NHSL2: variants seen among roughly 807,000 people sequenced by gnomAD.
The protein encoded by NHSL2 is NHS-like protein 2.
NHSL2 carries 27 observed loss-of-function variants against 53.4 expected under a neutral mutation model. The ratio of observed to expected loss-of-function variants is 0.51; its 90% CI spans 0.37 to 0.70. The LOEUF (loss-of-function observed/expected upper bound fraction) is 0.70, where lower values mean the gene tolerates loss of function less well. Among genes scored for constraint, NHSL2 ranks in the 30% least tolerant of loss-of-function variants. The pLI is 0.00. For missense variants in NHSL2, 892 were observed against 980.1 expected (o/e 0.91, Z 1.20); for synonymous variants, 408 against 404.1 (o/e 1.01, Z -0.12).
At chrX:71,964,646 A>C (rs1367360361) in intron 1 of NHSL2, among the ~76,000 whole-genome samples, 1 of 111,561 alleles carries the variant, frequency 9.0e-6, no homozygotes, top group Non-Finnish European at 1.9e-5. Flanking sequence ...ATTTGTTCTG[A>C]TACCAGGAGG....
rs1481717386 is a variant in NHSL2 at position 72,149,470 on chromosome X, C to G, written c.*5896C>G. On this transcript the variant is annotated 3_prime_UTR_variant, in exon 8 of 8. Coordinates refer to ENST00000633930, the MANE Select transcript of NHSL2 (RefSeq NM_001013627.3). The stretch of plus-strand genomic sequence containing the variant: ...TGCCAAGCTTTATAGACATTTATTC[C>G]TTAGGTGGTCTTGAGCTTTTTCTAA... The G allele has an allele frequency of 1.8e-5, 2 of 112,095 alleles. No individual in the cohort carries two copies. Among genetic ancestry groups the G allele is most frequent in the African/African-American group, 3.2e-5 (1 of 30,863 alleles). 9.2% of individuals were successfully genotyped at this position (112,095 alleles called of 1,213,427 possible). A position where few individuals can be genotyped will look rare whatever the true frequency, so the allele number is the denominator to read the frequency against.
At chrX:72,080,571 C>CGTGT (rs10580313) in intron 1 of NHSL2, among the ~76,000 whole-genome samples, 17,230 of 96,912 alleles carry the variant, frequency 0.18, 1,285 homozygotes, top group East Asian at 0.41. Flanking sequence ...GAATTCTGCA[C>CGTGT]GTGTGTGTGT....
chrX:72,010,347 A>C (rs2042110566), intron 1 of NHSL2, among the ~76,000 whole-genome samples: 1 of 112,552 alleles, frequency 8.9e-6, no homozygotes, highest in South Asian at 3.7e-4. Flanking sequence ...CAGGATAAGC[A>C]AAACAGATAT....
intron 1 of NHSL2, among the ~76,000 whole-genome samples, chrX:71,931,235 T>C (rs1487990346): frequency 8.9e-6 from 1 of 112,347 alleles, no homozygotes; most frequent in East Asian, 2.8e-4. Context: ...TGTTGTGGAA[T>C]TATAGTTCTT....
intron 1 of NHSL2, among the ~76,000 whole-genome samples, chrX:71,977,425 CTT>C (rs374810519): frequency 7.6e-5 from 7 of 92,711 alleles, no homozygotes; most frequent in African/African-American, 1.2e-4. Context: ...CTCTCTCTCT[CTT>C]TTTTTTTTTT....
intron 4 of NHSL2, among the ~76,000 whole-genome samples, chrX:72,135,442 G>A (rs746786087): frequency 1.8e-5 from 2 of 111,715 alleles, no homozygotes; most frequent in African/African-American, 3.3e-5. Context: ...CCAGTCATTT[G>A]AGAAGGAGAT....
chrX:72,038,554 G>T (rs1352614057), intron 1 of NHSL2, among the ~76,000 whole-genome samples: 1 of 112,017 alleles, frequency 8.9e-6, no homozygotes, highest in Non-Finnish European at 1.9e-5. Context: ...TCCCATGCAT[G>T]TATTTATATT....
chrX:72,017,183 G>A (rs1422889478), intron 1 of NHSL2, among the ~76,000 whole-genome samples: 1 of 112,375 alleles, frequency 8.9e-6, no homozygotes, highest in Non-Finnish European at 1.9e-5. Flanking sequence ...GGGCCTGAAT[G>A]TTCTGGATAG....
At chrX:72,029,166 G>A (rs779571526) in intron 1 of NHSL2, among the ~76,000 whole-genome samples, 1 of 111,433 alleles carries the variant, frequency 9.0e-6, no homozygotes, top group South Asian at 3.8e-4. Context: ...TCCAAGTAGG[G>A]TTGGGGTTCA....
intron 1 of NHSL2, among the ~76,000 whole-genome samples, chrX:72,082,276 G>C (rs1248065790): frequency 9.0e-6 from 1 of 111,266 alleles, no homozygotes; most frequent in Non-Finnish European, 1.9e-5. Flanking sequence ...GCAGGGGCGA[G>C]GGTGGGGAAG....
intron 1 of NHSL2, among the ~76,000 whole-genome samples, chrX:71,998,712 C>G (rs999272154): frequency 9.0e-6 from 1 of 111,500 alleles, no homozygotes; most frequent in African/African-American, 3.3e-5. Flanking sequence ...TTTCAGCTCC[C>G]CCTTCATCTT....
intron 1 of NHSL2, among the ~76,000 whole-genome samples, chrX:72,038,013 C>CA (rs1183403927): frequency 3.6e-5 from 4 of 112,141 alleles, no homozygotes; most frequent in African/African-American, 1.3e-4. Context: ...ACCAAAAGCT[C>CA]AAAGAATCCC....
chrX:72,059,655 A>G (rs2042388895), intron 1 of NHSL2, among the ~76,000 whole-genome samples: 1 of 111,553 alleles, frequency 9.0e-6, no homozygotes, highest in African/African-American at 3.3e-5. Flanking sequence ...CCTCTGAGGG[A>G]AGGAATTCAG....
At chrX:72,142,550 T>C (rs945595437) in intron 7 of NHSL2, among the ~76,000 whole-genome samples, 186 bp downstream of exon 7, 1 of 111,452 alleles carries the variant, frequency 9.0e-6, no homozygotes, top group Admixed American at 9.5e-5. Flanking sequence ...TACCCACATA[T>C]GTGAGCGCAG....
intron 1 of NHSL2, among the ~76,000 whole-genome samples, chrX:72,060,963 C>T (rs2042396327): frequency 8.9e-6 from 1 of 112,892 alleles, no homozygotes; most frequent in African/African-American, 3.2e-5. Context: ...TCTTGGCCTG[C>T]GCCCTTGGGT....
Position 72,144,375 on chromosome X carries a change from G to T in NHSL2, c.*801G>T, listed in dbSNP as rs73565846. 1.0e-3 allele frequency: 393 copies of T among 381,561 alleles called. 1 individual carries two copies. The highest frequency in any genetic ancestry group is 9.5e-3 in the African/African-American group (350 of 37,024). 31.4% of individuals were successfully genotyped at this position (381,561 alleles called of 1,213,427 possible). The stretch of plus-strand genomic sequence containing the variant: ...CAGATCTAGCCGAGGTAACTCACAA[G>T]TGCACCTTGAGATCCTCCATGTGTC... On this transcript the variant is annotated 3_prime_UTR_variant, in exon 8 of 8. Coordinates refer to ENST00000633930, the MANE Select transcript of NHSL2 (RefSeq NM_001013627.3).
chrX:72,144,692 A>G lies in NHSL2; in HGVS notation c.*1118A>G, dbSNP rs180711573. The G allele has an allele frequency of 3.3e-3, 933 of 279,642 alleles. 6 individuals are homozygous for G. The highest frequency in any genetic ancestry group is 0.028 in the African/African-American group (844 of 30,010). 23.0% of individuals were successfully genotyped at this position (279,642 alleles called of 1,213,427 possible). A position where few individuals can be genotyped will look rare whatever the true frequency, so the allele number is the denominator to read the frequency against. ...CTAAAAGGCAGTCTTGCCAGTTGCT[A>G]TGGCCCATAATGCACACACACACAC... is the stretch of plus-strand genomic sequence containing the variant. On this transcript the variant is annotated 3_prime_UTR_variant, in exon 8 of 8. Transcript: ENST00000633930.
chrX:71,991,518 G>A (rs2042026770), intron 1 of NHSL2, among the ~76,000 whole-genome samples: 1 of 112,790 alleles, frequency 8.9e-6, no homozygotes, highest in Non-Finnish European at 1.9e-5. Context: ...GGAATATGCC[G>A]TTAGTATTTC....
chrX:72,068,703 C>T (rs1022574038), intron 1 of NHSL2, among the ~76,000 whole-genome samples: 15 of 110,662 alleles, frequency 1.4e-4, no homozygotes, highest in African/African-American at 4.9e-4. Context: ...AGAGAGAGCG[C>T]ATGTATTTGC....
Sources: allele counts gnomAD v4.1 joint callset (sites outside exome capture counted in the v4.1 genomes callset), GRCh38; gene constraint gnomAD v4.1.1; transcripts MANE v1.5; gene names NCBI Gene and HGNC (gene_info 2026-07-23, HGNC 2026-07-21).